Variants in TSNAXIP1 observed in about 807,000 individuals in gnomAD.
TSNAXIP1 encodes the protein translin-associated factor X-interacting protein 1.
A neutral mutation model predicts 84.8 loss-of-function variants in TSNAXIP1; 89 were observed. The observed-to-expected ratio is 1.05, with a 90% confidence interval of 0.88 to 1.25. The LOEUF (loss-of-function observed/expected upper bound fraction) is 1.25, where lower values mean the gene tolerates loss of function less well. TSNAXIP1 is among the 50% of genes most tolerant of loss of function. The probability of loss-of-function intolerance (pLI) is 0.00; values close to 1 mark genes in which losing one functional copy is unlikely to be tolerated. For synonymous variants in TSNAXIP1, 347 were observed against 335.2 expected (o/e 1.04, Z -0.39); for missense variants, 874 against 887.6 (o/e 0.98, Z 0.20).
At chr16:67,825,404 C>A in intron 7 of TSNAXIP1, 132 bp downstream of exon 7, 1 of 1,321,298 alleles carries the variant, frequency 7.6e-7, no homozygotes, top group Non-Finnish European at 1.0e-6. Flanking sequence ...GGGAGATGTC[C>A]CTGCCTCCCG....
chr16:67,826,776 T>C lies in TSNAXIP1; in HGVS notation c.1486T>C (p.Phe496Leu). ...SDAMAWAYTI[F>L]ENIKIFHSNE... ...TGCCATGGCCTGGGCTTATACTATT[T>C]TTGAAAATATCAAGATCTTCCACTC... The change falls in exon 12 of 16, where the codon TTT (phenylalanine) becomes CTT (leucine). Residue 496 changes from phenylalanine (F) to leucine (L), a missense_variant. Coordinates refer to ENST00000561639, the MANE Select transcript of TSNAXIP1 (RefSeq NM_001288990.3). 1.2e-6 allele frequency: 2 copies of C among 1,614,184 alleles called. No individual in the cohort carries two copies. Among genetic ancestry groups the C allele is most frequent in the Non-Finnish European group, 1.7e-6 (2 of 1,180,034 alleles).
At position 67,826,779 on chromosome 16, in the gene TSNAXIP1, G is replaced by T; in HGVS notation, c.1489G>T (p.Glu497Ter). The T allele has an allele frequency of 6.2e-7, 1 of 1,614,124 alleles. No homozygotes were observed. The change falls in exon 12 of 16, where the codon GAA becomes TAA. Residue 497 changes from glutamate (E) to a stop codon, truncating the protein, a stop_gained. Transcript: ENST00000561639. LOFTEE classifies it high-confidence loss of function. ...CATGGCCTGGGCTTATACTATTTTT[G>T]AAAATATCAAGATCTTCCACTCCAA... ...DAMAWAYTIF[E>*]NIKIFHSNEV...
chr16:67,807,060 G>GC lies in TSNAXIP1; in HGVS notation c.-88dup. ...CTGACTCCGCCCCCGCCGCGGGGGGGCCTCTGGGGCCTGGTCGCCATGGCG... is the reference window on the plus strand; with the variant it reads ...CTGACTCCGCCCCCGCCGCGGGGGGGCCCTCTGGGGCCTGGTCGCCATGGCG... On this transcript the variant is annotated 5_prime_UTR_variant, in exon 1 of 16. Transcript: ENST00000561639. The GC allele has an allele frequency of 6.7e-7, 1 of 1,494,388 alleles. No homozygotes were observed. The highest frequency in any genetic ancestry group is 8.9e-7 in the Non-Finnish European group (1 of 1,125,760). 92.6% of individuals were successfully genotyped at this position (1,494,388 alleles called of 1,614,324 possible). A position where few individuals can be genotyped will look rare whatever the true frequency, so the allele number is the denominator to read the frequency against.
intron 1 of TSNAXIP1, among the ~76,000 whole-genome samples, chr16:67,810,568 G>A (rs118108102): frequency 0.029 from 4,427 of 151,848 alleles, 95 homozygotes; most frequent in Middle Eastern, 0.16. Flanking sequence ...GCAGTGAGCC[G>A]AGGTCATGCT....
Position 67,807,130 on chromosome 16 carries a change from T to A in TSNAXIP1, c.-20T>A. On this transcript the variant is annotated 5_prime_UTR_variant, in exon 1 of 16. Transcript: ENST00000561639. ...AGCTTCCCAGGCCGCGGGTGCTGAT[T>A]GCCCGCCTGCCCGTGGGTCATGGCC... 1 of 1,534,304 alleles carries A rather than the reference T, an allele frequency of 6.5e-7. No homozygotes were observed. The highest frequency in any genetic ancestry group is 8.7e-7 in the Non-Finnish European group (1 of 1,146,464).
In TSNAXIP1 at chr16:67,825,770, T is replaced by C; in HGVS notation, c.918T>C (p.Phe306=). ...QMELNNMKAN[F]GDVVPRRDFE... is the part of the protein sequence containing the mutation. ...AACTCAACAACATGAAGGCCAACTTTGGAGATGTGGTCCCCAGGAGGGACT... is the reference window on the plus strand; with the variant it reads ...AACTCAACAACATGAAGGCCAACTTCGGAGATGTGGTCCCCAGGAGGGACT... The change falls in exon 8 of 16, where the codon TTT becomes TTC. Residue 306 remains phenylalanine, a synonymous_variant. Coordinates refer to ENST00000561639, the MANE Select transcript of TSNAXIP1 (RefSeq NM_001288990.3). The C allele has an allele frequency of 6.2e-7, 1 of 1,614,054 alleles. No individual in the cohort carries two copies. The highest frequency in any genetic ancestry group is 1.3e-5 in the African/African-American group (1 of 74,998).
chr16:67,824,654 A>C lies in TSNAXIP1; in HGVS notation c.553A>C (p.Asn185His), dbSNP rs781349309. 2 of 1,614,080 alleles carry C rather than the reference A, an allele frequency of 1.2e-6. No individual in the cohort carries two copies. Among genetic ancestry groups the C allele is most frequent in the Non-Finnish European group, 1.7e-6 (2 of 1,180,042 alleles). Residue 185 changes from asparagine to histidine, a missense_variant, in exon 6 of 16, where the codon AAT becomes CAT. Coordinates refer to ENST00000561639, the MANE Select transcript of TSNAXIP1 (RefSeq NM_001288990.3). ...AKLVTVNEDC[N>H]ERILAMRAEE... ...GCTTGTCACTGTGAATGAGGACTGC[A>C]ATGAGAGGATCCTGGCCATGAGAGC...
chr16:67,823,586 G>C (rs765165351), intron 4 of TSNAXIP1, 40 bp from the exon 5 acceptor site: 1 of 1,536,196 alleles, frequency 6.5e-7, no homozygotes. Context: ...AAGGTTGGCA[G>C]CTGTGGGCTA....
chr16:67,825,746 A>T lies in TSNAXIP1; in HGVS notation c.894A>T (p.Glu298Asp). The T allele has an allele frequency of 6.2e-7, 1 of 1,614,156 alleles. No homozygotes were observed. Among genetic ancestry groups the T allele is most frequent in the Non-Finnish European group, 8.5e-7 (1 of 1,180,036 alleles). ...TRQDLTRTQM[E>D]LNNMKANFGD... is the part of the protein sequence containing the mutation. ...AAGACCTGACCCGCACGCAGATGGAACTCAACAACATGAAGGCCAACTTTG... is the reference window on the plus strand; with the variant it reads ...AAGACCTGACCCGCACGCAGATGGATCTCAACAACATGAAGGCCAACTTTG... Residue 298 changes from glutamate (E) to aspartate (D), a missense_variant, in exon 8 of 16, where the codon GAA (glutamate) becomes GAT (aspartate). Transcript: ENST00000561639.
At chr16:67,812,915 A>T (rs1374013126) in intron 1 of TSNAXIP1, among the ~76,000 whole-genome samples, 1 of 152,008 alleles carries the variant, frequency 6.6e-6, no homozygotes, top group Non-Finnish European at 1.5e-5. Context: ...CCAGATGCAC[A>T]TCTAATTTTT....
Position 67,826,503 on chromosome 16 carries a change from A to G in TSNAXIP1, c.1342A>G (p.Lys448Glu), listed in dbSNP as rs1443464660. ...CCTCGTGGAGAACAAGAAGCCAAGCAAGAAGGACGTGGTCAACCTCCTCAA... is the reference window on the plus strand; with the variant it reads ...CCTCGTGGAGAACAAGAAGCCAAGCGAGAAGGACGTGGTCAACCTCCTCAA... Reference protein sequence around the residue: ...DGLVENKKPSKKDVVNLLKDA... With the variant: ...DGLVENKKPSEKDVVNLLKDA... Residue 448 changes from lysine to glutamate, a missense_variant, in exon 11 of 16, where the codon AAG becomes GAG. By Grantham distance (56) the Lys-to-Glu change is moderately conservative (BLOSUM62 1). Transcript: ENST00000561639. 6.8e-6 allele frequency: 11 copies of G among 1,614,142 alleles called. No homozygotes were observed. Among genetic ancestry groups the G allele is most frequent in the Non-Finnish European group, 3.4e-6 (4 of 1,180,020 alleles).
intron 2 of TSNAXIP1, among the ~76,000 whole-genome samples, chr16:67,819,787 A>G (rs1259259146): frequency 1.4e-5 from 2 of 145,706 alleles, no homozygotes; most frequent in Non-Finnish European, 1.5e-5. Context: ...AGCTGGGACT[A>G]TAAGCACATG....
chr16:67,807,539 A>G, intron 1 of TSNAXIP1: 1 of 589,282 alleles, frequency 1.7e-6, no homozygotes, highest in East Asian at 6.7e-5. Flanking sequence ...ACTACGGCTC[A>G]CTGCAGCCTC....
Position 67,814,373 on chromosome 16 carries a change from G to A in TSNAXIP1, c.119G>A (p.Arg40His), listed in dbSNP as rs543477364. The A allele has an allele frequency of 4.6e-5, 70 of 1,536,016 alleles. 1 individual carries two copies. In the East Asian group the frequency reaches 1.7e-3, roughly 36 times the overall value. The change falls in exon 2 of 16, where the codon CGC becomes CAC. Residue 40 changes from arginine to histidine, a missense_variant. Transcript: ENST00000561639. ...ACAGAAGACAAGAGCACCCAGAATC[G>A]CAAGCTTCTTCAGAAACGAAGGACG... Reference protein sequence around the residue: ...FLTEDKSTQNRKLLQKRRTLT... With the variant: ...FLTEDKSTQNHKLLQKRRTLT...
chr16:67,807,503 C>T, intron 1 of TSNAXIP1: 1 of 976,808 alleles, frequency 1.0e-6, no homozygotes, highest in Non-Finnish European at 1.4e-6. Flanking sequence ...CTCGTTCTGT[C>T]GCCCAGGCTG....
chr16:67,827,589 C>A lies in TSNAXIP1; in HGVS notation c.1898+10C>A. 3 of 1,613,886 alleles carry A rather than the reference C, an allele frequency of 1.9e-6. No individual in the cohort carries two copies. The highest frequency in any genetic ancestry group is 2.5e-6 in the Non-Finnish European group (3 of 1,179,802). ...AGCTTGGCATAGAACTGTGAGTGACCCTCATCCATAGGCGAGTCCCACAGG... is the reference window on the plus strand; with the variant it reads ...AGCTTGGCATAGAACTGTGAGTGACACTCATCCATAGGCGAGTCCCACAGG... On this transcript the variant is annotated intron_variant, in intron 15 of 15. Coordinates refer to ENST00000561639, the MANE Select transcript of TSNAXIP1 (RefSeq NM_001288990.3).
intron 1 of TSNAXIP1, among the ~76,000 whole-genome samples, chr16:67,812,048 C>T (rs2056132030): frequency 6.6e-6 from 1 of 152,068 alleles, no homozygotes; most frequent in African/African-American, 2.4e-5. Context: ...TTGGGTAGTC[C>T]TAATCCTACT....
chr16:67,824,018 C>CAAAA (rs10674785), intron 5 of TSNAXIP1, among the ~76,000 whole-genome samples: 33 of 89,076 alleles, frequency 3.7e-4, no homozygotes, highest in South Asian at 3.5e-3. Context: ...GACTCCATCG[C>CAAAA]AAAAAAAAAA....
In TSNAXIP1 at chr16:67,819,815, ATT is replaced by A. The variant is rs1162375778; in HGVS notation, c.148-1003_148-1002del. On this transcript the variant is annotated intron_variant, in intron 2 of 15. Coordinates refer to ENST00000561639, the MANE Select transcript of TSNAXIP1 (RefSeq NM_001288990.3). ...AGCACATGCCACCACACCTGGCTAA[ATT>A]TTTTTTTTTTTTTTTTTTTTGAGAC... is the stretch of plus-strand genomic sequence containing the variant. Among the ~76,000 whole-genome samples the A allele has an allele frequency of 4.6e-3, 476 of 102,604 alleles. 4 individuals carry two copies. The highest frequency in any genetic ancestry group is 0.019 in the African/African-American group (444 of 23,808). 67.3% of individuals were successfully genotyped at this position (102,604 alleles called of 152,430 possible).
Sources: gnomAD v4.1 joint callset for allele counts (sites outside exome capture counted in the v4.1 genomes callset) on GRCh38, gnomAD v4.1.1 for gene constraint, MANE v1.5 for transcripts, NCBI Gene and HGNC (gene_info 2026-07-23, HGNC 2026-07-21) for gene names.